The following UBR3 variants were observed in gnomAD, a reference collection of about 807,000 sequenced individuals.
UBR3 encodes the protein ubiquitin protein ligase E3 component n-recognin 3.
UBR3 carries 85 observed loss-of-function variants against 243.2 expected under a neutral mutation model. That is an observed-to-expected ratio of 0.35 (90% CI 0.29 to 0.42). The LOEUF is 0.42. UBR3 is among the 10% of genes least tolerant of loss of function. The pLI, the probability that UBR3 is intolerant of heterozygous loss-of-function variation, is 1.00. For synonymous variants in UBR3, 748 were observed against 799.8 expected (o/e 0.94, Z 1.09); for missense variants, 1,686 against 2,300.8 (o/e 0.73, Z 5.47).
chr2:169,904,404 C>T (rs1178719454), intron 8 of UBR3, among the ~76,000 whole-genome samples: 1 of 152,106 alleles, frequency 6.6e-6, no homozygotes, highest in African/African-American at 2.4e-5. Context: ...TGGAAACTTC[C>T]TAGTCCAGTG....
Position 169,827,857 on chromosome 2 carries a change from C to A in UBR3, c.350C>A (p.Ala117Glu), listed in dbSNP as rs1264589269. Reference sequence around the variant, plus strand: ...GCGGCGGTGCGGGCCTACGATCCCGCGGCGCTCTGCGGCCTGGTCTGGACA... The same window carrying A: ...GCGGCGGTGCGGGCCTACGATCCCGAGGCGCTCTGCGGCCTGGTCTGGACA... ...FCAAVRAYDPAALCGLVWTAN... is the reference protein window; with the variant it reads ...FCAAVRAYDPEALCGLVWTAN... Residue 117 changes from alanine (A) to glutamate (E), a missense_variant, in exon 1 of 39, where the codon GCG becomes GAG. Coordinates refer to ENST00000272793, the MANE Select transcript of UBR3 (RefSeq NM_172070.4). 6 of 1,503,998 alleles carry A rather than the reference C, an allele frequency of 4.0e-6. No individual in the cohort carries two copies. Among genetic ancestry groups the A allele is most frequent in the Non-Finnish European group, 5.3e-6 (6 of 1,131,058 alleles). 93.2% of individuals were successfully genotyped at this position (1,503,998 alleles called of 1,614,324 possible).
intron 24 of UBR3, among the ~76,000 whole-genome samples, chr2:169,965,503 C>T (rs1047437503): frequency 2.8e-4 from 43 of 152,106 alleles, no homozygotes; most frequent in African/African-American, 8.9e-4. Context: ...AAATTAAGCA[C>T]AGTAAGAGAT....
intron 24 of UBR3, among the ~76,000 whole-genome samples, chr2:169,967,109 C>G (rs1361689921): frequency 6.6e-6 from 1 of 152,046 alleles, no homozygotes; most frequent in Non-Finnish European, 1.5e-5. Context: ...GATGCCTAGG[C>G]TTAGAGAGAT....
chr2:170,022,314 C>T (rs1018566091), intron 30 of UBR3, among the ~76,000 whole-genome samples: 2 of 152,060 alleles, frequency 1.3e-5, no homozygotes, highest in Non-Finnish European at 2.9e-5. Context: ...ATAGGAACTC[C>T]GGGAGGCAGG....
At chr2:169,874,151 G>C (rs904177907) in intron 2 of UBR3, among the ~76,000 whole-genome samples, 1 of 150,546 alleles carries the variant, frequency 6.6e-6, no homozygotes, top group Non-Finnish European at 1.5e-5. Flanking sequence ...ATTAATTTCT[G>C]TCTGTGCAAA....
intron 24 of UBR3, among the ~76,000 whole-genome samples, chr2:169,970,494 T>G (rs2088079803): frequency 1.1e-5 from 1 of 93,244 alleles, no homozygotes. Flanking sequence ...CCCACAACAG[T>G]CCCCAGAGTG....
chr2:169,859,821 A>G (rs2105301175), intron 1 of UBR3, among the ~76,000 whole-genome samples: 1 of 152,112 alleles, frequency 6.6e-6, no homozygotes, highest in South Asian at 2.1e-4. Flanking sequence ...GGTTCAAGCG[A>G]TTCTTCTGCC....
Position 170,029,338 on chromosome 2 carries a change from T to G in UBR3, c.4454-8T>G. ...ACTTTCTAATTACCTTTTCTTCAAT[T>G]TTTTCAGATCAGCTGTTTCATGTAT... On this transcript the variant is annotated splice_region_variant and splice_polypyrimidine_tract_variant and intron_variant, in intron 30 of 38. Coordinates refer to ENST00000272793, the MANE Select transcript of UBR3 (RefSeq NM_172070.4). 1 of 1,589,564 alleles carries G rather than the reference T, an allele frequency of 6.3e-7. No homozygotes were observed. Among genetic ancestry groups the G allele is most frequent in the Non-Finnish European group, 8.5e-7 (1 of 1,171,488 alleles).
intron 2 of UBR3, among the ~76,000 whole-genome samples, chr2:169,874,127 T>C (rs1043143892): frequency 1.3e-5 from 2 of 152,030 alleles, no homozygotes; most frequent in Non-Finnish European, 2.9e-5. Context: ...CTTATATTAC[T>C]ACTTCTGTTC....
At chr2:169,955,566 G>A (rs2087242592) in intron 23 of UBR3, among the ~76,000 whole-genome samples, 2 of 151,944 alleles carry the variant, frequency 1.3e-5, no homozygotes, top group South Asian at 4.2e-4. Flanking sequence ...GGCTGAGGCG[G>A]GCAGATCACC....
chr2:169,983,424 C>T (rs2088849398), intron 24 of UBR3, among the ~76,000 whole-genome samples: 1 of 151,852 alleles, frequency 6.6e-6, no homozygotes, highest in Non-Finnish European at 1.5e-5. Context: ...CCACACCCAG[C>T]CAATTTTTGT....
At chr2:169,949,022 CAA>C (rs1048597821) in intron 22 of UBR3, among the ~76,000 whole-genome samples, 3 of 151,758 alleles carry the variant, frequency 2.0e-5, no homozygotes, top group Middle Eastern at 3.4e-3. Context: ...TTTAATAAAA[CAA>C]ATTAAATTTC....
intron 10 of UBR3, among the ~76,000 whole-genome samples, chr2:169,907,600 C>G (rs1055149493): frequency 1.3e-5 from 2 of 152,038 alleles, no homozygotes; most frequent in Non-Finnish European, 2.9e-5. Context: ...TAATCTGTCT[C>G]AATACCAAAG....
At chr2:169,871,619 AC>A (rs1470783641) in intron 1 of UBR3, among the ~76,000 whole-genome samples, 1 of 151,644 alleles carries the variant, frequency 6.6e-6, no homozygotes, top group Non-Finnish European at 1.5e-5. Context: ...GTGGTGGTGC[AC>A]ACCTGTAGTC....
chr2:169,990,379 T>G (rs2089216393), intron 25 of UBR3, among the ~76,000 whole-genome samples: 1 of 152,096 alleles, frequency 6.6e-6, no homozygotes, highest in Admixed American at 6.5e-5. Flanking sequence ...TATTATATAG[T>G]CTTTTCATTT....
At chr2:169,941,647 T>C (rs2086592804) in intron 19 of UBR3, among the ~76,000 whole-genome samples, 1 of 152,212 alleles carries the variant, frequency 6.6e-6, no homozygotes, top group African/African-American at 2.4e-5. Context: ...GTTAATCTCT[T>C]ACTGTGTCTA....
At chr2:169,962,458 A>G (rs78886203) in intron 24 of UBR3, among the ~76,000 whole-genome samples, 198 of 152,244 alleles carry the variant, frequency 1.3e-3, no homozygotes, top group African/African-American at 4.6e-3. Flanking sequence ...AGCTGCTCCC[A>G]GATGCCTGAC....
intron 1 of UBR3, among the ~76,000 whole-genome samples, chr2:169,851,986 G>A (rs907112311): frequency 6.6e-6 from 1 of 152,160 alleles, no homozygotes; most frequent in Non-Finnish European, 1.5e-5. Context: ...CTTTTGAGAT[G>A]TTTTCATATT....
Position 170,075,518 on chromosome 2 carries a change from C to A in UBR3, c.5199+1911C>A, listed in dbSNP as rs36082683. Among the ~76,000 whole-genome samples, 715 of 152,202 alleles carry A rather than the reference C, an allele frequency of 4.7e-3. 4 individuals carry two copies. Among genetic ancestry groups the A allele is most frequent in the Middle Eastern group, 0.027 (8 of 294 alleles). On this transcript the variant is annotated intron_variant, in intron 36 of 38. Coordinates refer to ENST00000272793, the MANE Select transcript of UBR3 (RefSeq NM_172070.4). ...AATTTTTCATTTTAAAATATTTAAT[C>A]TTTTCATATAATTAGGTGATAATTA... is the stretch of plus-strand genomic sequence containing the variant.
Sources: allele counts gnomAD v4.1 joint callset (sites outside exome capture counted in the v4.1 genomes callset), GRCh38; gene constraint gnomAD v4.1.1; transcripts MANE v1.5; gene names NCBI Gene and HGNC (gene_info 2026-07-23, HGNC 2026-07-21).